The following LAMA1 variants were observed in gnomAD, a reference collection of about 807,000 sequenced individuals.
LAMA1 encodes laminin subunit alpha-1.
In LAMA1, 219 loss-of-function variants were observed where a neutral mutation model predicts 348.7. That is an observed-to-expected ratio of 0.63 (90% CI 0.56 to 0.70). The LOEUF is 0.70. LAMA1 is among the 30% of genes least tolerant of loss of function. The probability of loss-of-function intolerance (pLI) is 0.00; values close to 1 mark genes in which losing one functional copy is unlikely to be tolerated. For missense variants in LAMA1, 3,744 were observed against 3,888.0 expected, an observed-to-expected ratio of 0.96 and a Z score of 0.99; for synonymous variants, 1,487 against 1,491.0, an observed-to-expected ratio of 1.00 and a Z score of 0.06.
chr18:6,966,173 G>A lies in LAMA1; in HGVS notation c.7024C>T (p.Leu2342Phe). 1 of 1,614,186 alleles carries A rather than the reference G, an allele frequency of 6.2e-7. No homozygotes were observed. Among genetic ancestry groups the A allele is most frequent in the Non-Finnish European group, 8.5e-7 (1 of 1,180,026 alleles). ...LFNTFSPNGL[L>F]LYLGSYGTKD... ...GTGCCGTATGAACCCAGGTAGAGAAGAAGTCCATTAGGTGAAAAGGTATTA... is the reference window on the plus strand; with the variant it reads ...GTGCCGTATGAACCCAGGTAGAGAAAAAGTCCATTAGGTGAAAAGGTATTA... Residue 2342 changes from leucine (L) to phenylalanine (F), a missense_variant, in exon 49 of 63, where the codon CTT becomes TTT. By Grantham distance (22) the Leu-to-Phe change is conservative. Transcript: ENST00000389658.
intron 1 of LAMA1, among the ~76,000 whole-genome samples, chr18:7,113,799 G>A (rs1014882581): frequency 9.9e-5 from 15 of 152,056 alleles, no homozygotes; most frequent in African/African-American, 2.7e-4. Flanking sequence ...GAAAGAGGCC[G>A]GGGGCAGTGG....
At chr18:6,956,805 C>A (rs375996513) in intron 55 of LAMA1, 40 bp from the exon 56 acceptor site, 82 of 1,611,744 alleles carry the variant, frequency 5.1e-5, no homozygotes, top group Non-Finnish European at 6.8e-5. Flanking sequence ...ATTAGGATAT[C>A]ACAAACCAGT....
At chr18:7,093,209 T>A (rs543649004) in intron 1 of LAMA1, among the ~76,000 whole-genome samples, 1 of 151,990 alleles carries the variant, frequency 6.6e-6, no homozygotes, top group African/African-American at 2.4e-5. Flanking sequence ...GAGGTCAGGA[T>A]ATCAAGACCA....
chr18:6,979,381 AAGGAGGAC>A (rs2057697928), intron 42 of LAMA1, among the ~76,000 whole-genome samples: 1 of 152,052 alleles, frequency 6.6e-6, no homozygotes, highest in Non-Finnish European at 1.5e-5. Flanking sequence ...TTAAGAAAAA[AAGGAGGAC>A]AGGCACAGTG....
rs1426890136 is a variant in LAMA1, at chr18:6,956,469, AC to A, written c.8094+166del. 2.6e-6 allele frequency: 3 copies of A among 1,150,176 alleles called. No individual in the cohort carries two copies. In the African/African-American group the frequency reaches 4.5e-5, roughly 17 times the overall value. 71.2% of individuals were successfully genotyped at this position (1,150,176 alleles called of 1,614,324 possible). On this transcript the variant is annotated intron_variant, in intron 56 of 62. Coordinates refer to ENST00000389658, the MANE Select transcript of LAMA1 (RefSeq NM_005559.4). Reference sequence around the variant, plus strand: ...CCGTGTCATCTGAGTTGCTTGAGGCACCCTTTCCCTCCCTGTCCCCGCTCTG... The same window carrying A: ...CCGTGTCATCTGAGTTGCTTGAGGCACCTTTCCCTCCCTGTCCCCGCTCTG...
intron 53 of LAMA1, chr18:6,960,553 T>G (rs1018519094): frequency 6.7e-6 from 1 of 149,678 alleles, no homozygotes; most frequent in African/African-American, 2.5e-5. Context: ...GGCTTTTGAG[T>G]GATGAAAATG....
intron 50 of LAMA1, among the ~76,000 whole-genome samples, 193 bp from the exon 51 acceptor site, chr18:6,964,996 T>C (rs1171116178): frequency 1.3e-5 from 2 of 152,198 alleles, no homozygotes; most frequent in Non-Finnish European, 2.9e-5. Context: ...TACACATTGC[T>C]AAATAAGAGC....
intron 11 of LAMA1, chr18:7,038,606 G>A (rs1424005851): frequency 1.5e-6 from 1 of 685,320 alleles, no homozygotes; most frequent in Non-Finnish European, 2.6e-6. Flanking sequence ...TTTTTCCATA[G>A]AGAAATGTGT....
intron 1 of LAMA1, among the ~76,000 whole-genome samples, chr18:7,100,395 C>T (rs931923311): frequency 8.7e-5 from 13 of 149,950 alleles, no homozygotes; most frequent in African/African-American, 3.3e-4. Flanking sequence ...TCAGACACTG[C>T]TGGTAGGGCT....
At chr18:7,015,965 A>C in intron 21 of LAMA1, 107 bp from the exon 22 acceptor site, 4 of 1,392,392 alleles carry the variant, frequency 2.9e-6, no homozygotes, top group Non-Finnish European at 3.0e-6. Flanking sequence ...CACTCTTCTC[A>C]CTCCTAAAAG....
chr18:7,037,565 G>A lies in LAMA1; in HGVS notation c.1737+13C>T, dbSNP rs373359257. 1.7e-5 allele frequency: 27 copies of A among 1,613,710 alleles called. No individual in the cohort carries two copies. In the African/African-American group the frequency reaches 3.6e-4, roughly 22 times the overall value. Reference sequence around the variant, plus strand: ...TTCATCTGAGACATCGCTACCTGCAGGGTCACACGCACCTTATTTCCAAGG... The same window carrying A: ...TTCATCTGAGACATCGCTACCTGCAAGGTCACACGCACCTTATTTCCAAGG... On this transcript the variant is annotated intron_variant, in intron 12 of 62. Coordinates refer to ENST00000389658, the MANE Select transcript of LAMA1 (RefSeq NM_005559.4).
At position 7,014,951 on chromosome 18, in the gene LAMA1, G is replaced by A. The variant is rs529902835; in HGVS notation, c.3126+771C>T. Among the ~76,000 whole-genome samples the A allele has an allele frequency of 1.8e-3, 276 of 151,954 alleles. 1 individual carries two copies. The highest frequency in any genetic ancestry group is 6.4e-3 in the African/African-American group (264 of 41,450). ...AAGCTCCGCCTCCCGGGTTCACGTC[G>A]TTCTCCTGCCTCAGCCTCCTGAGTA... On this transcript the variant is annotated intron_variant, in intron 22 of 62. Transcript: ENST00000389658.
intron 55 of LAMA1, chr18:6,957,081 G>A (rs2057582634): frequency 2.7e-6 from 1 of 374,240 alleles, no homozygotes; most frequent in African/African-American, 2.1e-5. Flanking sequence ...GGCTGCCTCA[G>A]GGACACGTTT....
intron 33 of LAMA1, among the ~76,000 whole-genome samples, chr18:6,997,283 C>T (rs951943828): frequency 2.6e-5 from 4 of 152,140 alleles, no homozygotes; most frequent in Admixed American, 6.5e-5. Flanking sequence ...AGGATGGTCT[C>T]GATCTCTTGA....
chr18:6,979,971 G>T (rs559977913), intron 42 of LAMA1, among the ~76,000 whole-genome samples: 11 of 152,256 alleles, frequency 7.2e-5, no homozygotes, highest in Non-Finnish European at 1.5e-4. Flanking sequence ...TAATCATGTA[G>T]ACTTATTGCG....
At chr18:7,117,407 GGCTTT>G (rs1183812733) in intron 1 of LAMA1, among the ~76,000 whole-genome samples, 63 of 151,922 alleles carry the variant, frequency 4.1e-4, no homozygotes, top group African/African-American at 1.4e-3. Flanking sequence ...GGCGAGGCTG[GGCTTT>G]AACCCCAAAG....
At chr18:7,094,554 C>T (rs141012781) in intron 1 of LAMA1, among the ~76,000 whole-genome samples, 3,857 of 152,136 alleles carry the variant, frequency 0.025, 63 homozygotes, top group Non-Finnish European at 0.038. Flanking sequence ...TAAGCTCTCA[C>T]TCCTTCCAGC....
At chr18:6,980,780 T>C (rs2057707884) in intron 41 of LAMA1, 143 bp from the exon 42 acceptor site, 1 of 633,376 alleles carries the variant, frequency 1.6e-6, no homozygotes, top group Non-Finnish European at 2.8e-6. Context: ...CCAGCAAGAC[T>C]GAGCACCACT....
At chr18:7,023,845 G>C (rs1031636555) in intron 18 of LAMA1, among the ~76,000 whole-genome samples, 5 of 152,038 alleles carry the variant, frequency 3.3e-5, no homozygotes, top group Admixed American at 2.0e-4. Context: ...TTTTTGTTTT[G>C]TTTTGTTTTT....
Sources: gnomAD v4.1 joint callset for allele counts (sites outside exome capture counted in the v4.1 genomes callset) on GRCh38, gnomAD v4.1.1 for gene constraint, MANE v1.5 for transcripts, NCBI Gene and HGNC (gene_info 2026-07-23, HGNC 2026-07-21) for gene names.